Variants in GPR158 observed in about 807,000 individuals in gnomAD.
GPR158 encodes metabotropic glycine receptor.
Under a neutral mutation model 78.2 loss-of-function variants are expected in GPR158, and 30 were observed. That is an observed-to-expected ratio of 0.38 (90% CI 0.29 to 0.52). GPR158 has a LOEUF of 0.52. Among genes scored for constraint, GPR158 ranks in the 20% least tolerant of loss-of-function variants. GPR158 has a pLI of 0.83. For synonymous variants in GPR158, 581 were observed against 591.1 expected (o/e 0.98, Z 0.25); for missense variants, 1,463 against 1,523.5 (o/e 0.96, Z 0.66).
intron 5 of GPR158, among the ~76,000 whole-genome samples, chr10:25,547,820 T>G (rs1208072528): frequency 6.6e-6 from 1 of 152,178 alleles, no homozygotes; most frequent in Non-Finnish European, 1.5e-5. Context: ...CAAAGTCTCG[T>G]CTTTCTAAGG....
intron 6 of GPR158, among the ~76,000 whole-genome samples, chr10:25,564,643 A>G (rs2130724737): frequency 6.6e-6 from 1 of 152,278 alleles, no homozygotes; most frequent in Admixed American, 6.5e-5. Flanking sequence ...CTCCTCTAGT[A>G]CTAGGTACGT....
At chr10:25,562,501 T>C (rs1349222790) in intron 6 of GPR158, among the ~76,000 whole-genome samples, 2 of 152,234 alleles carry the variant, frequency 1.3e-5, no homozygotes, top group East Asian at 3.9e-4. Context: ...TATGTCAGCT[T>C]ATCTTCTGTT....
intron 4 of GPR158, among the ~76,000 whole-genome samples, chr10:25,420,033 A>G (rs1302853326): frequency 6.6e-6 from 1 of 151,944 alleles, no homozygotes; most frequent in Non-Finnish European, 1.5e-5. Context: ...GAGTTGTAGG[A>G]GTTCCTTATA....
chr10:25,562,007 C>A, intron 6 of GPR158, among the ~76,000 whole-genome samples: 1 of 146,738 alleles, frequency 6.8e-6, no homozygotes, highest in African/African-American at 2.6e-5. Context: ...CTGCAATGTT[C>A]AGGAGGATGC....
chr10:25,285,350 G>T (rs532665839), intron 2 of GPR158, among the ~76,000 whole-genome samples: 1 of 152,058 alleles, frequency 6.6e-6, no homozygotes, highest in South Asian at 2.1e-4. Context: ...GAGATTTAGT[G>T]GGGGGATTGG....
At chr10:25,328,128 C>A (rs1034469067) in intron 2 of GPR158, among the ~76,000 whole-genome samples, 5 of 152,042 alleles carry the variant, frequency 3.3e-5, no homozygotes, top group Admixed American at 6.5e-5. Flanking sequence ...TTGGAATGTA[C>A]CTGAATAAGA....
intron 8 of GPR158, among the ~76,000 whole-genome samples, chr10:25,593,879 A>T (rs1837370280): frequency 1.3e-5 from 2 of 152,082 alleles, no homozygotes; most frequent in Non-Finnish European, 1.5e-5. Context: ...CTTAATTATA[A>T]CTGTTTTTAA....
At chr10:25,240,935 G>A (rs1178046799) in intron 2 of GPR158, among the ~76,000 whole-genome samples, 2 of 152,162 alleles carry the variant, frequency 1.3e-5, no homozygotes, top group Non-Finnish European at 2.9e-5. Flanking sequence ...CTGCTAAGAT[G>A]TTGACTAAGT....
intron 2 of GPR158, among the ~76,000 whole-genome samples, chr10:25,378,983 G>A (rs1347453479): frequency 6.6e-6 from 1 of 151,926 alleles, no homozygotes; most frequent in Non-Finnish European, 1.5e-5. Context: ...CTGAGATGGG[G>A]TCTCACCGTG....
At chr10:25,385,545 G>A (rs866554998) in intron 2 of GPR158, among the ~76,000 whole-genome samples, 1 of 152,056 alleles carries the variant, frequency 6.6e-6, no homozygotes, top group African/African-American at 2.4e-5. Flanking sequence ...CCTTCATACT[G>A]TTTTCCATAG....
intron 2 of GPR158, among the ~76,000 whole-genome samples, chr10:25,287,387 G>C (rs906639022): frequency 6.6e-6 from 1 of 151,962 alleles, no homozygotes; most frequent in Non-Finnish European, 1.5e-5. Flanking sequence ...GTCTTTTTTT[G>C]AGTCTTTTTT....
chr10:25,466,712 A>T lies in GPR158; in HGVS notation c.1397A>T (p.Tyr466Phe). The T allele has an allele frequency of 6.3e-7, 1 of 1,580,228 alleles. No individual in the cohort carries two copies. The highest frequency in any genetic ancestry group is 8.7e-7 in the Non-Finnish European group (1 of 1,155,946). ...ATCCTTTTTGGATCTCTGCTCCTAT[A>T]CTTTCCAGTAAGTAACAGAATTTTG... ...ETILFGSLLL[Y>F]FPVVILYFEP... is the part of the protein sequence containing the mutation. Residue 466 changes from tyrosine (Y) to phenylalanine (F), a missense_variant, in exon 5 of 11, where the codon TAC becomes TTC. Coordinates refer to ENST00000376351, the MANE Select transcript of GPR158 (RefSeq NM_020752.3).
rs574025273 is a variant in GPR158 at position 25,460,759 on chromosome 10, T to C, written c.1336-5892T>C. Among the ~76,000 whole-genome samples the C allele has an allele frequency of 8.5e-5, 13 of 152,352 alleles. No homozygotes were observed. In the South Asian group the frequency reaches 2.7e-3, roughly 32 times the overall value. On this transcript the variant is annotated intron_variant, in intron 4 of 10. Coordinates refer to ENST00000376351, the MANE Select transcript of GPR158 (RefSeq NM_020752.3). ...CTTGTTTTATTGTGCTTTGCTCTAT[T>C]GTGCTTGACAGATACCATGTGTCTT...
chr10:25,198,727 G>A (rs775056560), intron 1 of GPR158, among the ~76,000 whole-genome samples: 8 of 152,004 alleles, frequency 5.3e-5, no homozygotes, highest in Non-Finnish European at 8.8e-5. Flanking sequence ...TTAAGGCTGC[G>A]CAATGGGTTA....
intron 1 of GPR158, among the ~76,000 whole-genome samples, chr10:25,200,687 A>G (rs1024967318): frequency 2.0e-5 from 3 of 152,084 alleles, no homozygotes; most frequent in Admixed American, 6.6e-5. Flanking sequence ...GGTGTAAGAA[A>G]GGTGTCCAGT....
chr10:25,413,320 G>C (rs1834618114), intron 4 of GPR158, among the ~76,000 whole-genome samples: 1 of 152,202 alleles, frequency 6.6e-6, no homozygotes, highest in Admixed American at 6.5e-5. Flanking sequence ...GACAGAGTGA[G>C]ACCCTGCCCT....
rs575449562 is a variant in GPR158, at chr10:25,511,483, C to G, written c.1405-39493C>G. ...TAGATTGCAAAAATTTTCTTCCACTCTCTGGGTTGTCTGTTTACTCTGCTG... is the reference window on the plus strand; with the variant it reads ...TAGATTGCAAAAATTTTCTTCCACTGTCTGGGTTGTCTGTTTACTCTGCTG... On this transcript the variant is annotated intron_variant, in intron 5 of 10. Coordinates refer to ENST00000376351, the MANE Select transcript of GPR158 (RefSeq NM_020752.3). Among the ~76,000 whole-genome samples the G allele has an allele frequency of 2.0e-5, 3 of 152,274 alleles. No homozygotes were observed. In the South Asian group the frequency reaches 6.2e-4, roughly 32 times the overall value.
chr10:25,511,337 T>G (rs779774871), intron 5 of GPR158, among the ~76,000 whole-genome samples: 1 of 152,238 alleles, frequency 6.6e-6, no homozygotes, highest in African/African-American at 2.4e-5. Flanking sequence ...GCCATTTGTA[T>G]ATCTTCTTCT....
intron 5 of GPR158, among the ~76,000 whole-genome samples, chr10:25,542,279 G>A (rs1836597464): frequency 6.6e-6 from 1 of 152,096 alleles, no homozygotes; most frequent in Admixed American, 6.6e-5. Flanking sequence ...TAGGAAAGGG[G>A]AACTGCTGTG....
Sources: gnomAD v4.1 joint callset for allele counts (sites outside exome capture counted in the v4.1 genomes callset) on GRCh38, gnomAD v4.1.1 for gene constraint, MANE v1.5 for transcripts, NCBI Gene and HGNC (gene_info 2026-07-23, HGNC 2026-07-21) for gene names.